The following CD247 variants were observed in gnomAD, a reference collection of about 807,000 sequenced individuals.
CD247 encodes the protein CD247 molecule, also known as T-cell surface glycoprotein CD3 zeta chain.
In CD247, 13 loss-of-function variants were observed where a neutral mutation model predicts 30.0. The observed-to-expected ratio is 0.43, with a 90% CI of 0.28 to 0.69. CD247 has a LOEUF of 0.69. CD247 is among the 30% of genes least tolerant of loss of function. The pLI is 0.16. For synonymous variants in CD247, 72 were observed against 80.0 expected, an observed-to-expected ratio of 0.90 and a Z score of 0.53; for missense variants, 193 against 212.6, an observed-to-expected ratio of 0.91 and a Z score of 0.57.
chr1:167,448,426 A>G (rs1558000079), intron 1 of CD247: 2 of 985,382 alleles, frequency 2.0e-6, no homozygotes, highest in Non-Finnish European at 2.4e-6. Context: ...TCGAACCATT[A>G]TAGCAGGTCA....
At chr1:167,433,426 T>C (rs1189141057) in intron 6 of CD247, among the ~76,000 whole-genome samples, 8 of 152,224 alleles carry the variant, frequency 5.3e-5, no homozygotes, top group Non-Finnish European at 1.2e-4. Flanking sequence ...ACCAGCTGTT[T>C]TGAGCAGTTA....
At chr1:167,467,345 C>T (rs1653302510) in intron 1 of CD247, among the ~76,000 whole-genome samples, 1 of 152,224 alleles carries the variant, frequency 6.6e-6, no homozygotes, top group Non-Finnish European at 1.5e-5. Context: ...ACTCATGAAA[C>T]CATGCCTTGC....
At chr1:167,509,132 C>T (rs750361117) in intron 1 of CD247, among the ~76,000 whole-genome samples, 6 of 152,036 alleles carry the variant, frequency 3.9e-5, no homozygotes, top group Non-Finnish European at 7.4e-5. Context: ...TTTGGGAGGC[C>T]GAGGCAGGTG....
At chr1:167,470,106 G>T (rs530499960) in intron 1 of CD247, among the ~76,000 whole-genome samples, 39 of 152,106 alleles carry the variant, frequency 2.6e-4, no homozygotes, top group African/African-American at 9.2e-4. Flanking sequence ...TAGAGATGGG[G>T]TTTCACCATG....
intron 4 of CD247, among the ~76,000 whole-genome samples, chr1:167,437,364 C>T (rs921802481): frequency 2.6e-5 from 4 of 151,450 alleles, no homozygotes; most frequent in African/African-American, 9.7e-5. Flanking sequence ...GAGACTGTGC[C>T]GTTGCACCCC....
chr1:167,508,438 AT>A (rs1374399822), intron 1 of CD247, among the ~76,000 whole-genome samples: 1 of 152,204 alleles, frequency 6.6e-6, no homozygotes, highest in East Asian at 1.9e-4. Flanking sequence ...GGATACAATT[AT>A]TTGACTTTCT....
At chr1:167,458,689 C>CTTTCTTTTTTTTTTTTTTTTTT (rs1553231431) in intron 1 of CD247, 2 of 95,426 alleles carry the variant, frequency 2.1e-5, no homozygotes, top group African/African-American at 4.7e-5. Context: ...TTCTTTCTTT[C>CTTTCTTTTTTTTTTTTTTTTTT]TTTTTTTTTT....
chr1:167,510,573 G>C (rs1655346120), intron 1 of CD247, among the ~76,000 whole-genome samples: 1 of 152,144 alleles, frequency 6.6e-6, no homozygotes, highest in African/African-American at 2.4e-5. Context: ...CCCCCAGCCT[G>C]TCTTTTCTAC....
rs192255918 is a variant in CD247, at chr1:167,501,147, C to T, written c.58+17261G>A. Among the ~76,000 whole-genome samples, 455 of 151,652 alleles carry T rather than the reference C, an allele frequency of 3.0e-3. 1 individual carries two copies. The highest frequency in any genetic ancestry group is 0.01 in the African/African-American group (414 of 41,358). On this transcript the variant is annotated intron_variant, in intron 1 of 7. Coordinates refer to ENST00000362089, the MANE Select transcript of CD247 (RefSeq NM_198053.3). ...TCGGCTCACCACAACCTCCGCCTCC[C>T]GGGTTCAAGCCATTCTCCTGCCTCA...
At position 167,438,169 on chromosome 1, in the gene CD247, AC is replaced by A. The variant is rs1651636029; in HGVS notation, c.300+400del. ...AGTGTCTACAAAGCCAAGAGGTCAA[AC>A]CCCCCAGGGACCATACCCCGACCAT... is the stretch of plus-strand genomic sequence containing the variant. On this transcript the variant is annotated intron_variant, in intron 4 of 7. Coordinates refer to ENST00000362089, the MANE Select transcript of CD247 (RefSeq NM_198053.3). Among the ~76,000 whole-genome samples, 4 of 151,990 alleles carry A rather than the reference AC, an allele frequency of 2.6e-5. No individual in the cohort carries two copies. In the South Asian group the frequency reaches 8.3e-4, roughly 32 times the overall value.
chr1:167,456,505 G>T (rs1194989017), intron 1 of CD247, among the ~76,000 whole-genome samples: 1 of 152,192 alleles, frequency 6.6e-6, no homozygotes, highest in Non-Finnish European at 1.5e-5. Context: ...AGTGAGAGGG[G>T]TTTCTTTCCT....
Position 167,442,712 on chromosome 1 carries a change from C to T in CD247, c.59-1945G>A, listed in dbSNP as rs182441340. On this transcript the variant is annotated intron_variant, in intron 1 of 7. Coordinates refer to ENST00000362089, the MANE Select transcript of CD247 (RefSeq NM_198053.3). ...TGGAAGCAGATGATTCAAAGGCAGC[C>T]GCCAGTGTCCCCACCCCCACCACCC... Among the ~76,000 whole-genome samples the T allele has an allele frequency of 3.5e-3, 538 of 152,242 alleles. 3 individuals carry two copies. The highest frequency in any genetic ancestry group is 6.1e-3 in the Admixed American group (93 of 15,296).
chr1:167,431,909 T>G (rs1020502112), intron 7 of CD247, among the ~76,000 whole-genome samples, 163 bp from the exon 8 acceptor site: 1 of 152,008 alleles, frequency 6.6e-6, no homozygotes, highest in Non-Finnish European at 1.5e-5. Context: ...GCAGGAGCCT[T>G]GGCTGCAACA....
chr1:167,435,569 C>A, intron 4 of CD247, 135 bp from the exon 5 acceptor site: 1 of 763,570 alleles, frequency 1.3e-6, no homozygotes, highest in Non-Finnish European at 2.3e-6. Context: ...CCCTGTGCTA[C>A]CCCAGCCTTG....
chr1:167,479,206 G>A (rs1653870570), intron 1 of CD247, among the ~76,000 whole-genome samples: 2 of 152,226 alleles, frequency 1.3e-5, no homozygotes, highest in South Asian at 4.1e-4. Flanking sequence ...ATGCAGACTG[G>A]AGGGAAACAG....
At chr1:167,484,727 A>C (rs1654130253) in intron 1 of CD247, among the ~76,000 whole-genome samples, 1 of 152,358 alleles carries the variant, frequency 6.6e-6, no homozygotes, top group South Asian at 2.1e-4. Flanking sequence ...CAGTGAGCCG[A>C]GATCGCGCCA....
rs150015714 is a variant in CD247, at chr1:167,496,250, A to G, written c.58+22158T>C. On this transcript the variant is annotated intron_variant, in intron 1 of 7. Transcript: ENST00000362089. Reference sequence around the variant, plus strand: ...TAGGTAGGCAGGTAGTGAGTTGCTCATCACAGTAGTGTTCCCAGAAGTCTG... The same window carrying G: ...TAGGTAGGCAGGTAGTGAGTTGCTCGTCACAGTAGTGTTCCCAGAAGTCTG... Among the ~76,000 whole-genome samples the G allele has an allele frequency of 2.8e-3, 427 of 152,362 alleles. 3 individuals are homozygous for G. Among genetic ancestry groups the G allele is most frequent in the African/African-American group, 9.7e-3 (403 of 41,592 alleles).
chr1:167,501,378 G>C (rs533775722), intron 1 of CD247, among the ~76,000 whole-genome samples: 3 of 152,240 alleles, frequency 2.0e-5, no homozygotes, highest in South Asian at 4.1e-4. Flanking sequence ...TCTTAACCAG[G>C]GGTCATACAT....
At chr1:167,467,940 G>T (rs1425398132) in intron 1 of CD247, among the ~76,000 whole-genome samples, 1 of 152,074 alleles carries the variant, frequency 6.6e-6, no homozygotes, top group Non-Finnish European at 1.5e-5. Context: ...ATTCATAATT[G>T]ACTTTTAAAT....
Sources: allele counts gnomAD v4.1 joint callset (sites outside exome capture counted in the v4.1 genomes callset), GRCh38; gene constraint gnomAD v4.1.1; transcripts MANE v1.5; gene names NCBI Gene and HGNC (gene_info 2026-07-23, HGNC 2026-07-21).